MAST4: variants seen among roughly 807,000 people sequenced by gnomAD.
MAST4 encodes the protein microtubule associated serine/threonine kinase family member 4.
Under a neutral mutation model 162.7 loss-of-function variants are expected in MAST4, and 89 were observed. That is an observed-to-expected ratio of 0.55 (90% CI 0.46 to 0.65). MAST4 has a LOEUF of 0.65. Ranked by LOEUF, MAST4 falls within the 30% of genes least tolerant of loss-of-function variation. MAST4 has a pLI of 0.00. For missense variants in MAST4, 3,153 were observed against 3,374.0 expected, an observed-to-expected ratio of 0.93 and a Z score of 1.62; for synonymous variants, 1,479 against 1,361.1, an observed-to-expected ratio of 1.09 and a Z score of -1.91.
intron 4 of MAST4, among the ~76,000 whole-genome samples, chr5:67,010,017 A>C (rs998955141): frequency 1.3e-5 from 2 of 152,194 alleles, no homozygotes; most frequent in African/African-American, 4.8e-5. Flanking sequence ...GGGAGGAACC[A>C]CCTGTACTTA....
At chr5:66,655,682 T>A (rs1270219205) in intron 1 of MAST4, among the ~76,000 whole-genome samples, 2 of 152,180 alleles carry the variant, frequency 1.3e-5, no homozygotes, top group Non-Finnish European at 2.9e-5. Context: ...CTCTCAAGTT[T>A]ACACCCAATT....
intron 1 of MAST4, among the ~76,000 whole-genome samples, chr5:66,707,425 A>G (rs73110469): frequency 0.031 from 4,685 of 152,206 alleles, 254 homozygotes; most frequent in African/African-American, 0.11. Context: ...GTAACAAAGT[A>G]CCACCAACAA....
chr5:66,804,993 C>T (rs1756116181), intron 3 of MAST4, among the ~76,000 whole-genome samples: 1 of 152,034 alleles, frequency 6.6e-6, no homozygotes, highest in Non-Finnish European at 1.5e-5. Context: ...GTTAGTTTTT[C>T]CAGAGGTTTG....
At position 67,165,430 on chromosome 5, in the gene MAST4, A is replaced by G; in HGVS notation, c.6251A>G (p.Glu2084Gly). Reference sequence around the variant, plus strand: ...AGGCGTGGCGTGGAACCCAAGCCCGAAGCGCTTCTTGCCAGGCGGTCTCTG... The same window carrying G: ...AGGCGTGGCGTGGAACCCAAGCCCGGAGCGCTTCTTGCCAGGCGGTCTCTG... ...KVRRGVEPKP[E>G]ALLARRSLQP... The change falls in exon 29 of 29, where the codon GAA becomes GGA. Residue 2084 changes from glutamate (E) to glycine (G), a missense_variant. Physicochemically the swap from Glu to Gly is moderately conservative, Grantham distance 98. Transcript: ENST00000403625. 1 of 1,613,860 alleles carries G rather than the reference A, an allele frequency of 6.2e-7. No homozygotes were observed. Among genetic ancestry groups the G allele is most frequent in the Non-Finnish European group, 8.5e-7 (1 of 1,179,882 alleles).
chr5:67,030,580 G>A (rs905836038), intron 4 of MAST4, among the ~76,000 whole-genome samples: 1 of 152,092 alleles, frequency 6.6e-6, no homozygotes, highest in African/African-American at 2.4e-5. Context: ...GTCCTAAGGG[G>A]TGATATTTAA....
intron 1 of MAST4, among the ~76,000 whole-genome samples, chr5:66,702,595 A>C (rs1235946354): frequency 6.6e-6 from 1 of 152,126 alleles, no homozygotes; most frequent in Non-Finnish European, 1.5e-5. Context: ...CTTTTAAGGG[A>C]ATCTGCAGCA....
At chr5:67,083,377 T>G (rs770703112) in intron 5 of MAST4, among the ~76,000 whole-genome samples, 1 of 151,722 alleles carries the variant, frequency 6.6e-6, no homozygotes, top group Non-Finnish European at 1.5e-5. Flanking sequence ...TTAGCATTTA[T>G]TTTTTAACTA....
At chr5:66,936,194 G>T (rs970469702) in intron 4 of MAST4, among the ~76,000 whole-genome samples, 1 of 152,170 alleles carries the variant, frequency 6.6e-6, no homozygotes, top group Non-Finnish European at 1.5e-5. Context: ...AGGGTCATGT[G>T]TTTCAAATGG....
At chr5:67,006,033 A>G (rs988943436) in intron 4 of MAST4, among the ~76,000 whole-genome samples, 29 of 152,226 alleles carry the variant, frequency 1.9e-4, no homozygotes, top group African/African-American at 6.5e-4. Flanking sequence ...CTTTTTGGTT[A>G]TACCTGTAAC....
At chr5:67,132,768 G>T (rs1581674397) in intron 16 of MAST4, among the ~76,000 whole-genome samples, 1 of 151,936 alleles carries the variant, frequency 6.6e-6, no homozygotes, top group African/African-American at 2.4e-5. Context: ...AAAAGTTTAT[G>T]ATAAAATTGA....
At chr5:66,953,550 G>C (rs1326084623) in intron 4 of MAST4, among the ~76,000 whole-genome samples, 4 of 152,032 alleles carry the variant, frequency 2.6e-5, no homozygotes, top group Non-Finnish European at 4.4e-5. Context: ...ACAGTCTGAG[G>C]CTCTGTCTAT....
In MAST4 at chr5:66,676,139, A is replaced by G. The variant is rs1273121011; in HGVS notation, c.363+79121A>G. Reference sequence around the variant, plus strand: ...TATAAAAGTTTGGCATGTGCAGGGCAATTAAAACAGTGAGTTGTTACCCTT... The same window carrying G: ...TATAAAAGTTTGGCATGTGCAGGGCGATTAAAACAGTGAGTTGTTACCCTT... On this transcript the variant is annotated intron_variant, in intron 1 of 28. Coordinates refer to ENST00000403625, the MANE Select transcript of MAST4 (RefSeq NM_001164664.2). Among the ~76,000 whole-genome samples the G allele has an allele frequency of 4.6e-5, 7 of 152,224 alleles. No homozygotes were observed. The South Asian group carries it at 6.2e-4, about 14-fold the overall frequency.
intron 4 of MAST4, among the ~76,000 whole-genome samples, chr5:66,987,840 T>C (rs1749683632): frequency 6.6e-6 from 1 of 152,186 alleles, no homozygotes; most frequent in Non-Finnish European, 1.5e-5. Flanking sequence ...ATTTATTATG[T>C]GGATTACACT....
intron 6 of MAST4, among the ~76,000 whole-genome samples, chr5:67,094,724 C>T (rs1169269059): frequency 1.3e-5 from 2 of 152,148 alleles, no homozygotes; most frequent in African/African-American, 4.8e-5. Flanking sequence ...TCTACTGCTG[C>T]ATTCACTCAT....
intron 4 of MAST4, among the ~76,000 whole-genome samples, chr5:67,036,199 A>G (rs567172880): frequency 6.6e-6 from 1 of 152,176 alleles, no homozygotes; most frequent in African/African-American, 2.4e-5. Flanking sequence ...TAGTATCTCA[A>G]TAAAGTATCC....
intron 6 of MAST4, among the ~76,000 whole-genome samples, chr5:67,093,121 AC>A (rs1209385341): frequency 6.6e-6 from 1 of 152,176 alleles, no homozygotes; most frequent in Non-Finnish European, 1.5e-5. Flanking sequence ...TTTGTTGTAT[AC>A]CATATTAATC....
At chr5:67,043,405 T>C (rs997630060) in intron 4 of MAST4, among the ~76,000 whole-genome samples, 3 of 152,298 alleles carry the variant, frequency 2.0e-5, no homozygotes, top group Non-Finnish European at 2.9e-5. Flanking sequence ...AGCAATGCAA[T>C]TGGGACATGA....
At chr5:66,764,532 G>C (rs1753998741) in intron 2 of MAST4, among the ~76,000 whole-genome samples, 1 of 151,992 alleles carries the variant, frequency 6.6e-6, no homozygotes, top group Admixed American at 6.6e-5. Context: ...GATTATAATG[G>C]AACTGAAAAG....
At chr5:66,832,718 G>A (rs1340927415) in intron 3 of MAST4, among the ~76,000 whole-genome samples, 5 of 152,132 alleles carry the variant, frequency 3.3e-5, no homozygotes, top group Admixed American at 3.3e-4. Flanking sequence ...CATTACATGG[G>A]AGTATTACTC....
Sources: gnomAD v4.1 joint callset for allele counts (sites outside exome capture counted in the v4.1 genomes callset) on GRCh38, gnomAD v4.1.1 for gene constraint, MANE v1.5 for transcripts, NCBI Gene and HGNC (gene_info 2026-07-23, HGNC 2026-07-21) for gene names.